Variants in TBC1D17 observed in about 807,000 individuals in gnomAD.
The protein encoded by TBC1D17 is TBC1 domain family, member 17.
TBC1D17 carries 69 observed loss-of-function variants against 78.8 expected under a neutral mutation model. That is an observed-to-expected ratio of 0.88 (90% CI 0.72 to 1.07). TBC1D17 has a LOEUF of 1.07. Ranked by LOEUF, TBC1D17 falls within the 50% of genes least tolerant of loss-of-function variation. TBC1D17 has a pLI of 0.00. For synonymous variants in TBC1D17, 456 were observed against 358.3 expected (o/e 1.27, Z -3.08); for missense variants, 957 against 861.0 (o/e 1.11, Z -1.39).
intron 6 of TBC1D17, 25 bp from the exon 7 acceptor site, chr19:49,882,217 G>T: frequency 6.2e-7 from 1 of 1,612,640 alleles, no homozygotes; most frequent in Non-Finnish European, 8.5e-7. Context: ...GGCGGGCCGT[G>T]ACCTCCCTTT....
intron 13 of TBC1D17, among the ~76,000 whole-genome samples, chr19:49,885,011 C>G (rs1051891798): frequency 2.6e-5 from 4 of 152,230 alleles, no homozygotes; most frequent in Non-Finnish European, 5.9e-5. Context: ...TTTGGCTTAA[C>G]CTGCAGGGTA....
rs776419604 is a variant in TBC1D17 at position 49,888,641 on chromosome 19, C to G, written c.*17C>G. ...GACTCCTAACCCCGCCAGGCAGCCT[C>G]GTTCTGCACAGGCACTTTAGCCCGA... On this transcript the variant is annotated 3_prime_UTR_variant, in exon 17 of 17. Coordinates refer to ENST00000221543, the MANE Select transcript of TBC1D17 (RefSeq NM_024682.3). 13 of 1,527,138 alleles carry G rather than the reference C, an allele frequency of 8.5e-6. No individual in the cohort carries two copies. The highest frequency in any genetic ancestry group is 1.1e-5 in the Non-Finnish European group (13 of 1,141,956). 94.6% of individuals were successfully genotyped at this position (1,527,138 alleles called of 1,614,324 possible). A position where few individuals can be genotyped will look rare whatever the true frequency, so the allele number is the denominator to read the frequency against.
At chr19:49,882,519 CAG>C (rs1025608301) in intron 7 of TBC1D17, 119 bp downstream of exon 7, 53 of 1,450,840 alleles carry the variant, frequency 3.7e-5, no homozygotes, top group Middle Eastern at 3.6e-4. Flanking sequence ...GGGACACCCT[CAG>C]GGGGTGCATG....
At chr19:49,884,613 G>A in intron 12 of TBC1D17, 46 bp from the exon 13 acceptor site, 4 of 1,613,462 alleles carry the variant, frequency 2.5e-6, no homozygotes, top group Non-Finnish European at 2.5e-6. Context: ...CAGGTGTCCT[G>A]GTACCTCACG....
intron 5 of TBC1D17, 108 bp from the exon 6 acceptor site, chr19:49,881,933 G>A: frequency 2.1e-6 from 2 of 939,906 alleles, no homozygotes; most frequent in Non-Finnish European, 1.7e-6. Flanking sequence ...GGGTTGCCCA[G>A]GGGTGGTTGG....
At chr19:49,886,031 G>A (rs781092920) in intron 13 of TBC1D17, among the ~76,000 whole-genome samples, 8 of 145,234 alleles carry the variant, frequency 5.5e-5, no homozygotes, top group Non-Finnish European at 9.0e-5. Flanking sequence ...CTGTAATCCA[G>A]CACTTTGGGA....
chr19:49,884,171 C>G (rs2075039206), intron 10 of TBC1D17, 82 bp from the exon 11 acceptor site: 6 of 1,250,112 alleles, frequency 4.8e-6, no homozygotes, highest in Non-Finnish European at 7.0e-6. Context: ...GCAGGAGGAG[C>G]AGTGGGGGCT....
rs548607279 is a variant in TBC1D17 at position 49,884,131 on chromosome 19, C to G, written c.1127-122C>G. 1.1e-4 allele frequency: 99 copies of G among 888,482 alleles called. 2 individuals carry two copies. Among genetic ancestry groups the G allele is most frequent in the Non-Finnish European group, 1.7e-4 (93 of 552,918 alleles). 55.0% of individuals were successfully genotyped at this position (888,482 alleles called of 1,614,324 possible). The stretch of plus-strand genomic sequence containing the variant: ...TCTAGAACCAGCTCTGCTTCTCCCC[C>G]AGAGCAAACCCCGAGGCTGGGGGCT... On this transcript the variant is annotated intron_variant, in intron 10 of 16. Transcript: ENST00000221543.
In TBC1D17 at chr19:49,878,544, A is replaced by T. The variant is rs914365559; in HGVS notation, c.167A>T (p.Asp56Val). ...LHWAPVEEAG[D>V]STQILFSKKD... ...TGGGCTCCTGTAGAGGAGGCTGGAG[A>T]TTCCACCCAAATCCTCTTCTCCAAG... The change falls in exon 3 of 17, where the codon GAT becomes GTT. Residue 56 changes from aspartate (D) to valine (V), a missense_variant. Physicochemically the swap from Asp to Val is radical, Grantham distance 152. Transcript: ENST00000221543. The T allele has an allele frequency of 1.2e-6, 2 of 1,614,024 alleles. No homozygotes were observed. Among genetic ancestry groups the T allele is most frequent in the Non-Finnish European group, 1.7e-6 (2 of 1,179,970 alleles).
At position 49,881,251 on chromosome 19, in the gene TBC1D17, C is replaced by T. The variant is rs1474413668; in HGVS notation, c.320-17C>T. On this transcript the variant is annotated splice_polypyrimidine_tract_variant and intron_variant, in intron 4 of 16. Transcript: ENST00000221543. The stretch of plus-strand genomic sequence containing the variant: ...GGCTTCCCACGCGCTTCCCCCAACA[C>T]AGTGCCGTCTCCCTAGGTGCAGAGC... 3 of 1,607,658 alleles carry T rather than the reference C, an allele frequency of 1.9e-6. No homozygotes were observed. Among genetic ancestry groups the T allele is most frequent in the Non-Finnish European group, 2.6e-6 (3 of 1,176,332 alleles).
At chr19:49,881,070 G>A (rs2122435933) in intron 4 of TBC1D17, among the ~76,000 whole-genome samples, 198 bp from the exon 5 acceptor site, 1 of 152,234 alleles carries the variant, frequency 6.6e-6, no homozygotes, top group Middle Eastern at 3.4e-3. Context: ...GGAAGGTTCT[G>A]GAAAGGTACA....
In TBC1D17 at chr19:49,881,262, C is replaced by T. The variant is rs760489405; in HGVS notation, c.320-6C>T. 1.2e-6 allele frequency: 2 copies of T among 1,611,812 alleles called. No homozygotes were observed. Among genetic ancestry groups the T allele is most frequent in the Non-Finnish European group, 1.7e-6 (2 of 1,179,136 alleles). ...CGCTTCCCCCAACACAGTGCCGTCT[C>T]CCTAGGTGCAGAGCCCAGCTGCCCC... On this transcript the variant is annotated splice_region_variant and splice_polypyrimidine_tract_variant and intron_variant, in intron 4 of 16. Coordinates refer to ENST00000221543, the MANE Select transcript of TBC1D17 (RefSeq NM_024682.3).
At position 49,888,263 on chromosome 19, in the gene TBC1D17, G is replaced by A; in HGVS notation, c.1692G>A (p.Val564=). ...ACGAGCTGACTATGAAGCTGAGCGT[G>A]GAGGACGTGCTGACCCGCGCCGAGG... The part of the protein sequence containing the change: ...HINELTMKLS[V]EDVLTRAEAL... Residue 564 remains valine (V), a synonymous_variant, in exon 16 of 17, where the codon GTG becomes GTA. Coordinates refer to ENST00000221543, the MANE Select transcript of TBC1D17 (RefSeq NM_024682.3). The A allele has an allele frequency of 6.3e-7, 1 of 1,594,076 alleles. No homozygotes were observed. Among genetic ancestry groups the A allele is most frequent in the Non-Finnish European group, 8.5e-7 (1 of 1,171,154 alleles).
At chr19:49,880,862 A>G (rs1206861661) in intron 4 of TBC1D17, among the ~76,000 whole-genome samples, 1 of 152,208 alleles carries the variant, frequency 6.6e-6, no homozygotes, top group African/African-American at 2.4e-5. Context: ...TCTGGCAGAG[A>G]GAGCAGCCCG....
chr19:49,881,948 C>T, intron 5 of TBC1D17, 93 bp from the exon 6 acceptor site: 1 of 1,130,718 alleles, frequency 8.8e-7, no homozygotes, highest in South Asian at 1.3e-5. Context: ...GGTTGGGACG[C>T]TGCAGCTGGA....
At chr19:49,884,395 G>A (rs368362966) in intron 11 of TBC1D17, 26 bp downstream of exon 11, 20 of 1,612,896 alleles carry the variant, frequency 1.2e-5, no homozygotes, top group East Asian at 4.5e-5. Flanking sequence ...GGGGACGGGC[G>A]TGGCCGGGGC....
chr19:49,881,422 CG>C lies in TBC1D17; in HGVS notation c.479del (p.Gly160AlafsTer71). On this transcript the variant is annotated frameshift_variant, in exon 5 of 17. Transcript: ENST00000221543. LOFTEE classifies it high-confidence loss of function. ...CCCTGCCCGCACTGCACTTCCACCG[CG>C]GGGGCACCCGCGCCCTGCTCCGCGT... ...GSLPALHFHR[G>X]GTRALLRVLS... is the part of the protein sequence containing the mutation. 6.2e-7 allele frequency: 1 copy of C among 1,612,398 alleles called. No individual in the cohort carries two copies. Among genetic ancestry groups the C allele is most frequent in the South Asian group, 1.1e-5 (1 of 91,066 alleles).
rs551948871 is a variant in TBC1D17 at position 49,887,273 on chromosome 19, A to C, written c.1445-203A>C. 83 of 577,952 alleles carry C rather than the reference A, an allele frequency of 1.4e-4. No homozygotes were observed. The East Asian group carries it at 1.7e-3, about 12-fold the overall frequency. The allele number at this position is 577,952 out of a possible 1,614,324, so 35.8% of individuals were successfully genotyped here. ...CCATGTCCATGGCAGATGTGGAAGTATAATAGCACACTTCCTCTGGAGAGT... is the reference window on the plus strand; with the variant it reads ...CCATGTCCATGGCAGATGTGGAAGTCTAATAGCACACTTCCTCTGGAGAGT... On this transcript the variant is annotated intron_variant, in intron 13 of 16. Coordinates refer to ENST00000221543, the MANE Select transcript of TBC1D17 (RefSeq NM_024682.3).
intron 7 of TBC1D17, 100 bp downstream of exon 7, chr19:49,882,500 G>C: frequency 6.6e-7 from 1 of 1,512,838 alleles, no homozygotes. Flanking sequence ...GTAAAACGGG[G>C]ATGGTAATGG....
Sources: allele counts gnomAD v4.1 joint callset (sites outside exome capture counted in the v4.1 genomes callset), GRCh38; gene constraint gnomAD v4.1.1; transcripts MANE v1.5; gene names NCBI Gene and HGNC (gene_info 2026-07-23, HGNC 2026-07-21).